Variants in CARD14 observed in about 807,000 individuals in gnomAD.
CARD14 encodes the protein caspase recruitment domain-containing protein 14.
CARD14 carries 107 observed loss-of-function variants against 111.5 expected under a neutral mutation model. The ratio of observed to expected loss-of-function variants is 0.96; its 90% CI spans 0.82 to 1.13. CARD14 has a LOEUF of 1.13. Ranked by LOEUF, CARD14 falls within the 50% of genes most tolerant of loss-of-function variation. The pLI is 0.00. For synonymous variants in CARD14, 617 were observed against 579.6 expected, an observed-to-expected ratio of 1.06 and a Z score of -0.93; for missense variants, 1,322 against 1,362.3, an observed-to-expected ratio of 0.97 and a Z score of 0.47.
At chr17:80,202,721 C>A in intron 18 of CARD14, 1 of 759,266 alleles carries the variant, frequency 1.3e-6, no homozygotes, top group East Asian at 4.4e-5. Flanking sequence ...GTGGGGCCGT[C>A]CTGGGCACTG....
intron 23 of CARD14, 108 bp from the exon 24 acceptor site, chr17:80,208,030 G>A: frequency 1.3e-6 from 1 of 790,308 alleles, no homozygotes; most frequent in East Asian, 2.8e-5. Flanking sequence ...TCAAAGCGAG[G>A]CCACCTGTGT....
chr17:80,205,486 C>T (rs1356377720), intron 21 of CARD14, 45 bp from the exon 22 acceptor site: 4 of 1,565,598 alleles, frequency 2.6e-6, no homozygotes, highest in African/African-American at 1.4e-5. Context: ...CCCCCAGACC[C>T]CCACACAGCT....
intron 17 of CARD14, 67 bp from the exon 18 acceptor site, chr17:80,202,113 T>G: frequency 6.9e-7 from 1 of 1,439,642 alleles, no homozygotes; most frequent in Non-Finnish European, 9.6e-7. Context: ...TACTTTAATT[T>G]TCTGCAACCT....
Position 80,181,499 on chromosome 17 carries a change from G to A in CARD14, c.61G>A (p.Glu21Lys). Residue 21 changes from glutamate to lysine, a missense_variant, in exon 5 of 24, where the codon GAG (glutamate) becomes AAG (lysine). Glu to Lys is a moderately conservative substitution (Grantham distance 56, BLOSUM62 1). Coordinates refer to ENST00000648509, the MANE Select transcript of CARD14 (RefSeq NM_001366385.1). Reference sequence around the variant, plus strand: ...GGCACTGGACGAGGAGACACTGTGGGAGATGATGGAGAGCCACCGCCACAG... The same window carrying A: ...GGCACTGGACGAGGAGACACTGTGGAAGATGATGGAGAGCCACCGCCACAG... ...LTALDEETLW[E>K]MMESHRHRIV... 1.3e-6 allele frequency: 2 copies of A among 1,588,348 alleles called. No individual in the cohort carries two copies. The highest frequency in any genetic ancestry group is 1.7e-6 in the Non-Finnish European group (2 of 1,166,612).
Position 80,183,923 on chromosome 17 carries a change from G to C in CARD14, c.360G>C (p.Glu120Asp). 1 of 1,502,632 alleles carries C rather than the reference G, an allele frequency of 6.7e-7. No individual in the cohort carries two copies. The highest frequency in any genetic ancestry group is 8.9e-7 in the Non-Finnish European group (1 of 1,125,250). The allele number at this position is 1,502,632 out of a possible 1,614,324, so 93.1% of individuals were successfully genotyped here. A position where few individuals can be genotyped will look rare whatever the true frequency, so the allele number is the denominator to read the frequency against. ...CCCATCTGCCCACAGGTCTCATGGA[G>C]ACATCCAAGCTGACCGAGTGCCTGG... The part of the protein sequence containing the change: ...VDFSNFSGLM[E>D]TSKLTECLAG... Residue 120 changes from glutamate (E) to aspartate (D), a missense_variant, in exon 7 of 24, where the codon GAG becomes GAC. By Grantham distance (45) the Glu-to-Asp change is conservative. Transcript: ENST00000648509.
chr17:80,198,706 TG>T lies in CARD14; in HGVS notation c.1851+118del. The T allele has an allele frequency of 6.3e-7, 1 of 1,593,304 alleles. No individual in the cohort carries two copies. ...CAGACGATGCAGATCCACTCTGGGC[TG>T]GGCCTCTGCTCTTTCCTGGGCTGAC... On this transcript the variant is annotated intron_variant, in intron 16 of 23. Coordinates refer to ENST00000648509, the MANE Select transcript of CARD14 (RefSeq NM_001366385.1). The surrounding 1 kb of genome is among the most constrained non-coding windows in gnomAD (Gnocchi z 7.5).
Position 80,208,590 on chromosome 17 carries a change from A to G in CARD14, c.*245A>G. ...CTTTACCAGGCTTGGCATGGTCTGA[A>G]CTGGAAACCCTGAGAATGTTTCTGC... is the stretch of plus-strand genomic sequence containing the variant. On this transcript the variant is annotated 3_prime_UTR_variant, in exon 24 of 24. Coordinates refer to ENST00000648509, the MANE Select transcript of CARD14 (RefSeq NM_001366385.1). The G allele has an allele frequency of 9.0e-6, 4 of 444,240 alleles. No homozygotes were observed. Among genetic ancestry groups the G allele is most frequent in the Non-Finnish European group, 1.2e-5 (3 of 252,168 alleles). 27.5% of individuals were successfully genotyped at this position (444,240 alleles called of 1,614,324 possible). A position where few individuals can be genotyped will look rare whatever the true frequency, so the allele number is the denominator to read the frequency against.
chr17:80,195,916 A>C lies in CARD14; in HGVS notation c.1594+264A>C. 1 of 469,524 alleles carries C rather than the reference A, an allele frequency of 2.1e-6. No homozygotes were observed. Among genetic ancestry groups the C allele is most frequent in the Non-Finnish European group, 3.8e-6 (1 of 260,316 alleles). 29.1% of individuals were successfully genotyped at this position (469,524 alleles called of 1,614,324 possible). A position where few individuals can be genotyped will look rare whatever the true frequency, so the allele number is the denominator to read the frequency against. On this transcript the variant is annotated intron_variant, in intron 14 of 23. Transcript: ENST00000648509. This position sits in a 1 kb window ranked among gnomAD's most constrained non-coding sequence, Gnocchi z 4.7. ...GAGCCAGGGGAGTTGTGTCTGATCC[A>C]CGCCCTGCTCAGCACCCAGCCCCCT...
At position 80,202,241 on chromosome 17, in the gene CARD14, C is replaced by T; in HGVS notation, c.2040C>T (p.Tyr680=). ...AKVATSGDSF[Y]IRVNLAMEGR... is the part of the protein sequence containing the mutation. ...TGGCGACCTCGGGGGACTCATTCTACATCCGGGTCAACCTGGCCATGGAGG... is the reference window on the plus strand; with the variant it reads ...TGGCGACCTCGGGGGACTCATTCTATATCCGGGTCAACCTGGCCATGGAGG... Residue 680 remains tyrosine, a synonymous_variant, in exon 18 of 24, where the codon TAC becomes TAT. Coordinates refer to ENST00000648509, the MANE Select transcript of CARD14 (RefSeq NM_001366385.1). The T allele has an allele frequency of 1.2e-6, 2 of 1,614,054 alleles. No individual in the cohort carries two copies. The highest frequency in any genetic ancestry group is 1.7e-6 in the Non-Finnish European group (2 of 1,180,040).
At position 80,182,779 on chromosome 17, in the gene CARD14, G is replaced by A; in HGVS notation, c.338G>A (p.Ser113Asn). ...VTGLQPDVDF[S>N]NFSGLMETSK... ...GGGCTGCAGCCTGATGTTGACTTCAGTAACTTTAGCGGTGAGAGCTCCGAC... is the reference window on the plus strand; with the variant it reads ...GGGCTGCAGCCTGATGTTGACTTCAATAACTTTAGCGGTGAGAGCTCCGAC... The change falls in exon 6 of 24, where the codon AGT becomes AAT. Residue 113 changes from serine (S) to asparagine (N), a missense_variant. Transcript: ENST00000648509. The surrounding 1 kb of genome is among the most constrained non-coding windows in gnomAD (Gnocchi z 4.7). 6.2e-7 allele frequency: 1 copy of A among 1,614,194 alleles called. No individual in the cohort carries two copies. Among genetic ancestry groups the A allele is most frequent in the Admixed American group, 1.7e-5 (1 of 60,024 alleles).
chr17:80,190,910 G>A lies in CARD14; in HGVS notation c.1089+11G>A. 1 of 1,611,752 alleles carries A rather than the reference G, an allele frequency of 6.2e-7. No individual in the cohort carries two copies. Among genetic ancestry groups the A allele is most frequent in the Non-Finnish European group, 8.5e-7 (1 of 1,179,384 alleles). On this transcript the variant is annotated intron_variant, in intron 10 of 23. Coordinates refer to ENST00000648509, the MANE Select transcript of CARD14 (RefSeq NM_001366385.1). Reference sequence around the variant, plus strand: ...AAGGAGCGAGACCAGGTACCTGAGAGGCCGGGCCCACCCCGCCACCCCATG... The same window carrying A: ...AAGGAGCGAGACCAGGTACCTGAGAAGCCGGGCCCACCCCGCCACCCCATG...
chr17:80,195,616 G>A lies in CARD14; in HGVS notation c.1558G>A (p.Asp520Asn), dbSNP rs760471922. 11 of 1,613,342 alleles carry A rather than the reference G, an allele frequency of 6.8e-6. No homozygotes were observed. The highest frequency in any genetic ancestry group is 1.1e-5 in the South Asian group (1 of 91,040). The part of the protein sequence containing the change: ...PGALPGAKAG[D>N]PHLDYELLDT... ...AGCCCTGCCGGGAGCTAAGGCAGGC[G>A]ACCCACACCTGGATTATGAGCTCCT... The change falls in exon 14 of 24, where the codon GAC becomes AAC. Residue 520 changes from aspartate (D) to asparagine (N), a missense_variant. Physicochemically the swap from Asp to Asn is conservative, Grantham distance 23 (BLOSUM62 1). Coordinates refer to ENST00000648509, the MANE Select transcript of CARD14 (RefSeq NM_001366385.1). The surrounding 1 kb of genome is among the most constrained non-coding windows in gnomAD (Gnocchi z 4.7).
chr17:80,202,486 C>T (rs754141307), intron 18 of CARD14, 66 bp downstream of exon 18: 346 of 1,564,116 alleles, frequency 2.2e-4, no homozygotes, highest in Non-Finnish European at 2.6e-4. Context: ...ACCCAGCCTG[C>T]CTCGGCTTCC....
At chr17:80,187,037 C>T (rs184299314) in intron 7 of CARD14, among the ~76,000 whole-genome samples, 19 of 152,368 alleles carry the variant, frequency 1.2e-4, no homozygotes, top group African/African-American at 4.6e-4. Context: ...TGGAAGTATA[C>T]ATATAGTTCA....
chr17:80,195,262 C>A lies in CARD14; in HGVS notation c.1428C>A (p.Pro476=), dbSNP rs368432283. 2 of 1,612,606 alleles carry A rather than the reference C, an allele frequency of 1.2e-6. No individual in the cohort carries two copies. The highest frequency in any genetic ancestry group is 2.2e-5 in the South Asian group (2 of 91,074). Reference sequence around the variant, plus strand: ...TGGACAGCTTCCGCTCCAGCAGCCCCGCGCCCCCCAGCCAGCAGTCCCTGT... The same window carrying A: ...TGGACAGCTTCCGCTCCAGCAGCCCAGCGCCCCCCAGCCAGCAGTCCCTGT... ...ELVDSFRSSS[P]APPSQQSLYK... Residue 476 remains proline (P), a synonymous_variant, in exon 13 of 24, where the codon CCC becomes CCA. Transcript: ENST00000648509. The surrounding 1 kb of genome is among the most constrained non-coding windows in gnomAD (Gnocchi z 4.7).
intron 10 of CARD14, 86 bp from the exon 11 acceptor site, chr17:80,191,237 G>T: frequency 6.7e-7 from 1 of 1,500,436 alleles, no homozygotes; most frequent in Non-Finnish European, 9.1e-7. Context: ...TCAGATGAGC[G>T]CAGGCTAGAA....
intron 12 of CARD14, among the ~76,000 whole-genome samples, chr17:80,194,005 T>TGACC (rs1450173496): frequency 6.6e-6 from 1 of 152,098 alleles, no homozygotes; most frequent in Non-Finnish European, 1.5e-5. Context: ...CGTGGGCAAC[T>TGACC]GACCGATCAG....
intron 19 of CARD14, 85 bp from the exon 20 acceptor site, chr17:80,204,142 C>T: frequency 7.3e-7 from 1 of 1,361,078 alleles, no homozygotes. Flanking sequence ...CCAGGTCGCC[C>T]TAGTGCCAAT....
rs1445463052 is a variant in CARD14 at position 80,203,936 on chromosome 17, G to C, written c.2283+51G>C. ...CCCCACTGGGGTGGGCTGGAAGAGG[G>C]GCTCGGTGCTGGCAGGGTGGCAGGA... is the stretch of plus-strand genomic sequence containing the variant. On this transcript the variant is annotated intron_variant, in intron 19 of 23. Coordinates refer to ENST00000648509, the MANE Select transcript of CARD14 (RefSeq NM_001366385.1). The surrounding 1 kb of genome is among the most constrained non-coding windows in gnomAD (Gnocchi z 4.6). 1.4e-6 allele frequency: 2 copies of C among 1,455,596 alleles called. No homozygotes were observed. The highest frequency in any genetic ancestry group is 1.2e-5 in the South Asian group (1 of 82,008). The allele number at this position is 1,455,596 out of a possible 1,614,324, so 90.2% of individuals were successfully genotyped here.
Sources: allele counts gnomAD v4.1 joint callset (sites outside exome capture counted in the v4.1 genomes callset), GRCh38; gene constraint gnomAD v4.1.1; non-coding constraint Gnocchi (gnomAD v3.1); transcripts MANE v1.5; gene names NCBI Gene and HGNC (gene_info 2026-07-23, HGNC 2026-07-21).